The following HSDL2 variants were observed in gnomAD, a reference collection of about 807,000 sequenced individuals.
HSDL2 encodes the protein hydroxysteroid dehydrogenase like 2.
HSDL2 carries 27 observed loss-of-function variants against 46.3 expected under a neutral mutation model. The observed-to-expected ratio is 0.58, with a 90% CI of 0.43 to 0.80. The LOEUF is 0.80. HSDL2 is among the 30% of genes least tolerant of loss of function. The pLI, the probability that HSDL2 is intolerant of heterozygous loss-of-function variation, is 0.00. For synonymous variants in HSDL2, 153 were observed against 163.6 expected (o/e 0.94, Z 0.50); for missense variants, 451 against 502.7 (o/e 0.90, Z 0.98).
chr9:112,450,981 G>A (rs549223377), intron 8 of HSDL2, among the ~76,000 whole-genome samples: 39 of 151,886 alleles, frequency 2.6e-4, no homozygotes, highest in Non-Finnish European at 1.2e-4. Context: ...CGGGTGGATC[G>A]TTTGAGTCTA....
At chr9:112,456,585 G>A (rs1286995547) in intron 9 of HSDL2, among the ~76,000 whole-genome samples, 1 of 151,968 alleles carries the variant, frequency 6.6e-6, no homozygotes, top group African/African-American at 2.4e-5. Flanking sequence ...CAGCACTCTC[G>A]ACACTCTATT....
intron 8 of HSDL2, among the ~76,000 whole-genome samples, chr9:112,450,441 C>A (rs1025090861): frequency 6.6e-6 from 1 of 151,882 alleles, no homozygotes; most frequent in East Asian, 1.9e-4. Context: ...ACCAGCCTGG[C>A]CAGCATGGTG....
At chr9:112,465,579 CT>C (rs1271213567) in intron 10 of HSDL2, among the ~76,000 whole-genome samples, 7 of 152,250 alleles carry the variant, frequency 4.6e-5, no homozygotes, top group African/African-American at 1.4e-4. Context: ...CTCACCTCCC[CT>C]GGCAACCACT....
intron 1 of HSDL2, among the ~76,000 whole-genome samples, chr9:112,403,377 T>C (rs148282709): frequency 1.3e-5 from 2 of 152,376 alleles, no homozygotes; most frequent in African/African-American, 4.8e-5. Context: ...CTTAGCAGAA[T>C]GTTTTTGGTT....
At chr9:112,412,103 C>T (rs563879360) in intron 4 of HSDL2, among the ~76,000 whole-genome samples, 2 of 152,254 alleles carry the variant, frequency 1.3e-5, no homozygotes, top group East Asian at 1.9e-4. Context: ...GCTGACTCGA[C>T]GCTCAAAAGA....
At chr9:112,450,312 A>G (rs996979484) in intron 8 of HSDL2, among the ~76,000 whole-genome samples, 1 of 150,946 alleles carries the variant, frequency 6.6e-6, no homozygotes, top group Admixed American at 6.6e-5. Context: ...TTAAAAAGAC[A>G]AGTTTAATAC....
intron 10 of HSDL2, among the ~76,000 whole-genome samples, chr9:112,464,594 TA>T (rs1833321889): frequency 6.6e-6 from 1 of 152,354 alleles, no homozygotes; most frequent in East Asian, 1.9e-4. Context: ...TCATTTGAAT[TA>T]ATCAGTGAAG....
chr9:112,407,261 G>A (rs1831752539), intron 3 of HSDL2, among the ~76,000 whole-genome samples: 1 of 152,146 alleles, frequency 6.6e-6, no homozygotes, highest in African/African-American at 2.4e-5. Context: ...CTCAAATGCA[G>A]GATATTTTAT....
rs553204998 is a variant in HSDL2, at chr9:112,458,087, A to G, written c.1016-1362A>G. ...TCACAAGCTCATCCAACACCCATCT[A>G]CCTTCTAGTGCCACTGTTTTTTTTT... is the stretch of plus-strand genomic sequence containing the variant. On this transcript the variant is annotated intron_variant, in intron 9 of 10. Coordinates refer to ENST00000398805, the MANE Select transcript of HSDL2 (RefSeq NM_032303.5). 6.0e-5 allele frequency among the ~76,000 whole-genome samples: 7 copies of G among 117,208 alleles called. No homozygotes were observed. The South Asian group carries it at 2.2e-3, about 37-fold the overall frequency. 76.9% of individuals were successfully genotyped at this position (117,208 alleles called of 152,430 possible).
chr9:112,423,337 ATTCTT>A (rs1212796729), intron 6 of HSDL2, among the ~76,000 whole-genome samples: 5 of 152,228 alleles, frequency 3.3e-5, no homozygotes, highest in Middle Eastern at 3.4e-3. Flanking sequence ...AAGTCATTGA[ATTCTT>A]TTCTTTTCTT....
intron 1 of HSDL2, among the ~76,000 whole-genome samples, chr9:112,390,501 T>C (rs1192517160): frequency 2.0e-5 from 3 of 152,280 alleles, no homozygotes; most frequent in South Asian, 4.1e-4. Context: ...GTCACCAAGC[T>C]GGAGTGCAGT....
Position 112,431,072 on chromosome 9 carries a change from AT to A in HSDL2, c.599-7356del, listed in dbSNP as rs1436247841. Among the ~76,000 whole-genome samples the A allele has an allele frequency of 1.3e-3, 165 of 123,036 alleles. 2 individuals carry two copies. In the East Asian group the frequency reaches 0.015, roughly 11 times the overall value. The allele number at this position is 123,036 out of a possible 152,430, so 80.7% of individuals were successfully genotyped here. On this transcript the variant is annotated intron_variant, in intron 6 of 10. Transcript: ENST00000398805. ...AACTCAAAAAAAAAAAAAAAAAAAAATTTAAAAAAAATAAAGATTTCTGGCT... is the reference window on the plus strand; with the variant it reads ...AACTCAAAAAAAAAAAAAAAAAAAAATTAAAAAAAATAAAGATTTCTGGCT...
At chr9:112,456,089 C>T (rs1373815546) in intron 9 of HSDL2, among the ~76,000 whole-genome samples, 1 of 152,196 alleles carries the variant, frequency 6.6e-6, no homozygotes, top group African/African-American at 2.4e-5. Context: ...TTTCCCTGGC[C>T]TTCTCAGGAA....
chr9:112,409,010 C>T lies in HSDL2; in HGVS notation c.384C>T (p.Gly128=), dbSNP rs1398900854. ...LDLMMNVNTR[G]TYLASKACIP... is the part of the protein sequence containing the mutation. ...TGATGATGAACGTGAACACCAGAGGCACCTACCTTGCGTAAGTTTGCAAGA... is the reference window on the plus strand; with the variant it reads ...TGATGATGAACGTGAACACCAGAGGTACCTACCTTGCGTAAGTTTGCAAGA... The change falls in exon 4 of 11, where the codon GGC becomes GGT. Residue 128 remains glycine, a synonymous_variant. Coordinates refer to ENST00000398805, the MANE Select transcript of HSDL2 (RefSeq NM_032303.5). The T allele has an allele frequency of 3.1e-6, 5 of 1,592,318 alleles. No individual in the cohort carries two copies. The highest frequency in any genetic ancestry group is 2.6e-6 in the Non-Finnish European group (3 of 1,163,276).
At chr9:112,435,251 A>G (rs1450903759) in intron 6 of HSDL2, among the ~76,000 whole-genome samples, 4 of 152,128 alleles carry the variant, frequency 2.6e-5, no homozygotes, top group East Asian at 3.8e-4. Flanking sequence ...CACAGCATGT[A>G]TATACTTATA....
rs7851202 is a variant in HSDL2 at position 112,458,747 on chromosome 9, C to T, written c.1016-702C>T. Among the ~76,000 whole-genome samples, 760 of 151,770 alleles carry T rather than the reference C, an allele frequency of 5.0e-3. 7 individuals carry two copies. The highest frequency in any genetic ancestry group is 0.017 in the African/African-American group (723 of 41,426). On this transcript the variant is annotated intron_variant, in intron 9 of 10. Coordinates refer to ENST00000398805, the MANE Select transcript of HSDL2 (RefSeq NM_032303.5). ...CTGTAATCCCAGCACTTTGGGAGGC[C>T]GAGGTGGGCAGATCACGAGGTCAGG...
chr9:112,450,737 T>G (rs1832866729), intron 8 of HSDL2, among the ~76,000 whole-genome samples: 1 of 152,154 alleles, frequency 6.6e-6, no homozygotes. Flanking sequence ...CCACTTTTTT[T>G]TGGCACATAT....
At chr9:112,382,725 T>G (rs914960157) in intron 1 of HSDL2, among the ~76,000 whole-genome samples, 21 of 152,232 alleles carry the variant, frequency 1.4e-4, no homozygotes, top group Admixed American at 1.2e-3. Flanking sequence ...TATCTTTATA[T>G]TTGTCTGGCT....
At chr9:112,425,902 G>GTT (rs1365415797) in intron 6 of HSDL2, among the ~76,000 whole-genome samples, 3 of 137,872 alleles carry the variant, frequency 2.2e-5, no homozygotes, top group East Asian at 2.0e-4. Flanking sequence ...TAGTTTTTCA[G>GTT]TTTTTGTGTG....
Sources: allele counts gnomAD v4.1 joint callset (sites outside exome capture counted in the v4.1 genomes callset), GRCh38; gene constraint gnomAD v4.1.1; transcripts MANE v1.5; gene names NCBI Gene and HGNC (gene_info 2026-07-23, HGNC 2026-07-21).